LSG1: variants seen among roughly 807,000 people sequenced by gnomAD.
LSG1 encodes the protein large 60S subunit nuclear export GTPase 1.
LSG1 carries 55 observed loss-of-function variants against 82.6 expected under a neutral mutation model. That is an observed-to-expected ratio of 0.67 (90% CI 0.54 to 0.83). The LOEUF is 0.83. Ranked by LOEUF, LSG1 falls within the 40% of genes least tolerant of loss-of-function variation. The pLI is 0.00. For missense variants in LSG1, 809 were observed against 807.9 expected, an observed-to-expected ratio of 1.00 and a Z score of -0.02; for synonymous variants, 272 against 282.5, an observed-to-expected ratio of 0.96 and a Z score of 0.37.
At chr3:194,644,885 C>A in intron 12 of LSG1, 139 bp from the exon 13 acceptor site, 5 of 554,624 alleles carry the variant, frequency 9.0e-6, no homozygotes, top group Non-Finnish European at 1.2e-5. Flanking sequence ...TGGTCTACTG[C>A]AGCTGAAGAG....
rs1029806750 is a variant in LSG1 at position 194,650,929 on chromosome 3, T to A, written c.1371A>T (p.Gly457=). ...CTCTCATCTGATCAATTGGGAGGATTCCGCTGCAAGTCATTTCTGCCTTGG... is the reference window on the plus strand; with the variant it reads ...CTCTCATCTGATCAATTGGGAGGATACCGCTGCAAGTCATTTCTGCCTTGG... ...VSTKAEMTCS[G]ILPIDQMRDH... Residue 457 remains glycine, a synonymous_variant, in exon 10 of 14, where the codon GGA becomes GGT. Coordinates refer to ENST00000265245, the MANE Select transcript of LSG1 (RefSeq NM_018385.3). 1 of 1,614,188 alleles carries A rather than the reference T, an allele frequency of 6.2e-7. No individual in the cohort carries two copies. The highest frequency in any genetic ancestry group is 8.5e-7 in the Non-Finnish European group (1 of 1,180,030).
intron 7 of LSG1, among the ~76,000 whole-genome samples, chr3:194,655,672 A>G (rs898978186): frequency 1.3e-5 from 2 of 152,172 alleles, no homozygotes; most frequent in Non-Finnish European, 2.9e-5. Context: ...ATCTATATTC[A>G]CATAAAAACG....
intron 3 of LSG1, 72 bp downstream of exon 3, chr3:194,666,380 G>T: frequency 1.9e-6 from 3 of 1,600,422 alleles, no homozygotes; most frequent in Non-Finnish European, 2.6e-6. Context: ...CTGAGAAAAA[G>T]AAGCAATTTA....
chr3:194,651,300 C>T, intron 8 of LSG1, 84 bp from the exon 9 acceptor site: 1 of 888,280 alleles, frequency 1.1e-6, no homozygotes, highest in Non-Finnish European at 1.9e-6. Context: ...GGTGGCAAGA[C>T]TAGCATAAGC....
At chr3:194,644,045 A>C (rs1472023085) in intron 13 of LSG1, among the ~76,000 whole-genome samples, 1 of 152,100 alleles carries the variant, frequency 6.6e-6, no homozygotes, top group African/African-American at 2.4e-5. Context: ...GGGGGAAAAA[A>C]GGGGACAGGC....
In LSG1 at chr3:194,642,224, T is replaced by G. The variant is rs1320273029; in HGVS notation, c.1821A>C (p.Lys607Asn). ...TGTAACCCATCACAGCCTGGACTCC[T>G]TTGGTCAAAGCCCTCACATTCTCCT... ...FHQENVRALT[K>N]GVQAVMGYKP... The change falls in exon 14 of 14, where the codon AAA becomes AAC. Residue 607 changes from lysine to asparagine, a missense_variant. Lys to Asn is a moderately conservative substitution (Grantham distance 94). Transcript: ENST00000265245. The G allele has an allele frequency of 1.4e-5, 22 of 1,613,560 alleles. No individual in the cohort carries two copies. Among genetic ancestry groups the G allele is most frequent in the Non-Finnish European group, 1.8e-5 (21 of 1,179,914 alleles).
At chr3:194,660,763 G>GGAAT in intron 5 of LSG1, 1 of 416,594 alleles carries the variant, frequency 2.4e-6, no homozygotes, top group South Asian at 1.7e-5. Flanking sequence ...GGCTGAAGCA[G>GGAAT]GAATGGCAAG....
rs893904499 is a variant in LSG1, at chr3:194,641,351, A to C, written c.*717T>G. 1 of 152,140 alleles carries C rather than the reference A, an allele frequency of 6.6e-6. No individual in the cohort carries two copies. Among genetic ancestry groups the C allele is most frequent in the African/African-American group, 2.4e-5 (1 of 41,432 alleles). The allele number at this position is 152,140 out of a possible 1,614,324, so 9.4% of individuals were successfully genotyped here. A position where few individuals can be genotyped will look rare whatever the true frequency, so the allele number is the denominator to read the frequency against. On this transcript the variant is annotated 3_prime_UTR_variant, in exon 14 of 14. Transcript: ENST00000265245. ...CCCATCCCGAAGCAACCACTAATCTACTTCCTCTATATGGAGATTTGCTTA... is the reference window on the plus strand; with the variant it reads ...CCCATCCCGAAGCAACCACTAATCTCCTTCCTCTATATGGAGATTTGCTTA...
At chr3:194,660,617 T>C (rs1718906586) in intron 5 of LSG1, 1 of 308,028 alleles carries the variant, frequency 3.2e-6, no homozygotes, top group Non-Finnish European at 6.5e-6. Flanking sequence ...GCTGCCACTA[T>C]TGAAGCTAGT....
At chr3:194,650,622 C>T (rs546655640) in intron 10 of LSG1, 13 of 350,094 alleles carry the variant, frequency 3.7e-5, no homozygotes, top group African/African-American at 1.5e-4. Flanking sequence ...CAAACGGTTA[C>T]ATGGCATTGT....
In LSG1 at chr3:194,659,008, A is replaced by G. The variant is rs1718865624; in HGVS notation, c.708T>C (p.Val236=). The G allele has an allele frequency of 6.2e-7, 1 of 1,614,114 alleles. No individual in the cohort carries two copies. The highest frequency in any genetic ancestry group is 1.3e-5 in the African/African-American group (1 of 74,950). ...CTCCGGCCAAAGCTGACCAGAAAAT[A>G]ACCTTCACATCTTCTTTTTCGAAGT... The part of the protein sequence containing the change: ...AMYFEKEDVK[V]IFWSALAGAI... The change falls in exon 7 of 14, where the codon GTT becomes GTC. Residue 236 remains valine (V), a synonymous_variant. Transcript: ENST00000265245.
At position 194,642,055 on chromosome 3, in the gene LSG1, T is replaced by C. The variant is rs1223360524; in HGVS notation, c.*13A>G. The C allele has an allele frequency of 1.2e-6, 2 of 1,611,026 alleles. No homozygotes were observed. Among genetic ancestry groups the C allele is most frequent in the African/African-American group, 1.3e-5 (1 of 74,816 alleles). ...CTGCACAATGCAGATGACATTTCTG[T>C]TGCAGCCCAACCTCACATATCCAGG... On this transcript the variant is annotated 3_prime_UTR_variant, in exon 14 of 14. Transcript: ENST00000265245.
At chr3:194,659,251 T>C (rs1718872651) in intron 6 of LSG1, 118 bp from the exon 7 acceptor site, 1 of 720,548 alleles carries the variant, frequency 1.4e-6, no homozygotes, top group African/African-American at 1.8e-5. Context: ...CATTTCCTAA[T>C]TTAAACATTT....
Position 194,646,178 on chromosome 3 carries a change from T to C in LSG1, c.1609A>G (p.Lys537Glu). 6.2e-7 allele frequency: 1 copy of C among 1,614,036 alleles called. No homozygotes were observed. The highest frequency in any genetic ancestry group is 8.5e-7 in the Non-Finnish European group (1 of 1,179,910). The change falls in exon 12 of 14, where the codon AAG becomes GAG. Residue 537 changes from lysine to glutamate, a missense_variant. Transcript: ENST00000265245. ...DQPRSARYIL[K>E]DYVSGKLLYC... ...GGTTCACTTACACTGACATAGTCCT[T>C]CAGGATGTAGCGCGCAGATCGAGGC...
chr3:194,666,769 A>G (rs1350365881), intron 2 of LSG1, among the ~76,000 whole-genome samples, 197 bp from the exon 3 acceptor site: 4 of 152,188 alleles, frequency 2.6e-5, no homozygotes, highest in African/African-American at 7.2e-5. Flanking sequence ...GAGTTACTAC[A>G]TTCTTTTTGA....
intron 8 of LSG1, 51 bp downstream of exon 8, chr3:194,652,678 G>A (rs754370395): frequency 4.5e-6 from 7 of 1,556,654 alleles, no homozygotes; most frequent in Non-Finnish European, 6.1e-6. Flanking sequence ...CTGAAAAATG[G>A]GGATTAAAGA....
intron 8 of LSG1, chr3:194,651,653 T>C (rs9831146): frequency 0.2 from 30,579 of 156,168 alleles, 3,389 homozygotes; most frequent in East Asian, 0.46. Context: ...ATGTCTGGCA[T>C]GTGGCAGGTG....
At chr3:194,658,399 G>A (rs1294384295) in intron 7 of LSG1, among the ~76,000 whole-genome samples, 1 of 152,080 alleles carries the variant, frequency 6.6e-6, no homozygotes, top group African/African-American at 2.4e-5. Context: ...TGCCCCTCTC[G>A]GCTTCCCAAA....
intron 11 of LSG1, among the ~76,000 whole-genome samples, chr3:194,647,564 G>A (rs1470027193): frequency 6.6e-6 from 1 of 152,166 alleles, no homozygotes; most frequent in Non-Finnish European, 1.5e-5. Flanking sequence ...TTGTACGTGT[G>A]GTCATTTGCT....
Sources: gnomAD v4.1 joint callset for allele counts (sites outside exome capture counted in the v4.1 genomes callset) on GRCh38, gnomAD v4.1.1 for gene constraint, MANE v1.5 for transcripts, NCBI Gene and HGNC (gene_info 2026-07-23, HGNC 2026-07-21) for gene names.